The following PACRG variants were observed in gnomAD, a reference collection of about 807,000 sequenced individuals.
PACRG encodes parkin coregulated gene protein.
In PACRG, 29 loss-of-function variants were observed where a neutral mutation model predicts 29.7. The ratio of observed to expected loss-of-function variants is 0.98; its 90% CI spans 0.73 to 1.33. The LOEUF is 1.33. PACRG is among the 40% of genes most tolerant of loss of function. The probability of loss-of-function intolerance (pLI) is 0.00; values close to 1 mark genes in which losing one functional copy is unlikely to be tolerated. For missense variants in PACRG, 279 were observed against 316.2 expected (o/e 0.88, Z 0.89); for synonymous variants, 116 against 118.7 (o/e 0.98, Z 0.15).
At chr6:162,792,723 G>A (rs1785058227) in intron 1 of PACRG, among the ~76,000 whole-genome samples, 1 of 152,168 alleles carries the variant, frequency 6.6e-6, no homozygotes, top group South Asian at 2.1e-4. Context: ...AGCAAGAAGA[G>A]GTGAAAAAGG....
rs115799742 is a variant in PACRG at position 162,935,548 on chromosome 6, G to C, written c.291+121267G>C. On this transcript the variant is annotated intron_variant, in intron 2 of 4. Transcript: ENST00000366888. ...TGTTTCAGTTACAAGATTTTTGTTT[G>C]GTTCTTTTATATGCTATTTCTTTTT... Among the ~76,000 whole-genome samples, 960 of 150,988 alleles carry C rather than the reference G, an allele frequency of 6.4e-3. 8 individuals carry two copies. The highest frequency in any genetic ancestry group is 0.021 in the African/African-American group (853 of 41,152).
At chr6:163,190,788 G>A (rs995610648) in intron 4 of PACRG, 1 of 333,770 alleles carries the variant, frequency 3.0e-6, no homozygotes, top group African/African-American at 2.2e-5. Flanking sequence ...TGTTCTGTGA[G>A]CCCGCTCCAA....
chr6:163,062,010 T>G, intron 2 of PACRG, 140 bp from the exon 3 acceptor site: 1 of 750,532 alleles, frequency 1.3e-6, no homozygotes, highest in Non-Finnish European at 2.2e-6. Context: ...CTTCAGGTCA[T>G]TAGGGGGATG....
chr6:163,089,129 T>A, intron 3 of PACRG, 130 bp from the exon 4 acceptor site: 9 of 843,626 alleles, frequency 1.1e-5, no homozygotes, highest in Non-Finnish European at 1.6e-5. Context: ...GCTATAATAA[T>A]AAAGGCCCAT....
chr6:162,760,577 G>A (rs1008847032), intron 1 of PACRG, among the ~76,000 whole-genome samples: 2 of 152,260 alleles, frequency 1.3e-5, no homozygotes, highest in Admixed American at 1.3e-4. Flanking sequence ...AAGCCGATGG[G>A]GGTGTGTGAT....
intron 4 of PACRG, among the ~76,000 whole-genome samples, chr6:163,163,641 A>G (rs1444105855): frequency 1.3e-5 from 2 of 151,986 alleles, no homozygotes; most frequent in African/African-American, 4.8e-5. Context: ...TATTGTCCAT[A>G]TTTTTGTATC....
rs554257756 is a variant in PACRG, at chr6:163,098,532, G to A, written c.613+9124G>A. 6.0e-4 allele frequency among the ~76,000 whole-genome samples: 91 copies of A among 152,276 alleles called. 1 individual carries two copies. Among genetic ancestry groups the A allele is most frequent in the African/African-American group, 1.7e-3 (71 of 41,560 alleles). On this transcript the variant is annotated intron_variant, in intron 4 of 4. Coordinates refer to ENST00000366888, the MANE Select transcript of PACRG (RefSeq NM_001080379.2). Reference sequence around the variant, plus strand: ...CACCAGGCGGGAGAGCCCAGATGCCGGGTGACAGTTGGGACAACTGGCTTT... The same window carrying A: ...CACCAGGCGGGAGAGCCCAGATGCCAGGTGACAGTTGGGACAACTGGCTTT...
At chr6:162,847,974 T>C (rs1450760015) in intron 2 of PACRG, among the ~76,000 whole-genome samples, 2 of 151,788 alleles carry the variant, frequency 1.3e-5, no homozygotes, top group Admixed American at 6.6e-5. Context: ...GGAAGAGAAA[T>C]TGGAGGGGGC....
At chr6:162,805,752 A>G (rs987177160) in intron 1 of PACRG, among the ~76,000 whole-genome samples, 1 of 152,220 alleles carries the variant, frequency 6.6e-6, no homozygotes, top group African/African-American at 2.4e-5. Context: ...ATTCTGCCTC[A>G]AGAAACTACT....
chr6:163,263,290 G>A (rs1783407236), intron 4 of PACRG, among the ~76,000 whole-genome samples: 2 of 151,688 alleles, frequency 1.3e-5, no homozygotes, highest in South Asian at 4.2e-4. Flanking sequence ...GACTTGAACA[G>A]GCTAACTGAC....
intron 4 of PACRG, among the ~76,000 whole-genome samples, chr6:163,094,661 C>G (rs191527620): frequency 5.2e-4 from 79 of 152,282 alleles, no homozygotes; most frequent in African/African-American, 1.8e-3. Context: ...AATCAGGTGC[C>G]TAATATGTGC....
chr6:162,964,803 C>T (rs1373357644), intron 2 of PACRG, among the ~76,000 whole-genome samples: 1 of 152,130 alleles, frequency 6.6e-6, no homozygotes, highest in Non-Finnish European at 1.5e-5. Context: ...GTCACTGACC[C>T]CCAGGATCAG....
intron 1 of PACRG, among the ~76,000 whole-genome samples, chr6:162,739,442 G>T (rs1034109005): frequency 6.6e-6 from 1 of 152,030 alleles, no homozygotes; most frequent in Non-Finnish European, 1.5e-5. Context: ...TGCAGTTAGC[G>T]ACTTGTCTTT....
At chr6:162,903,304 G>A (rs906453237) in intron 2 of PACRG, among the ~76,000 whole-genome samples, 4 of 152,026 alleles carry the variant, frequency 2.6e-5, no homozygotes, top group African/African-American at 9.7e-5. Flanking sequence ...TTTTTCTCTA[G>A]GGGAAAAATA....
At chr6:163,103,410 C>T (rs777796201) in intron 4 of PACRG, among the ~76,000 whole-genome samples, 31 of 152,120 alleles carry the variant, frequency 2.0e-4, no homozygotes, top group African/African-American at 6.3e-4. Flanking sequence ...CCCCTTCTGC[C>T]GCATCTCATC....
intron 4 of PACRG, among the ~76,000 whole-genome samples, chr6:163,158,781 ACAGGG>A: frequency 6.6e-6 from 1 of 152,218 alleles, no homozygotes; most frequent in Admixed American, 6.5e-5. Flanking sequence ...TGCAGCAGGC[ACAGGG>A]CTTTGGTGCT....
intron 2 of PACRG, among the ~76,000 whole-genome samples, chr6:162,949,895 A>C (rs533866387): frequency 2.7e-4 from 41 of 152,242 alleles, no homozygotes; most frequent in Non-Finnish European, 4.4e-5. Context: ...TGCTGTCTGC[A>C]TGGTTTCTGG....
chr6:163,104,592 T>C (rs1307025791), intron 4 of PACRG, among the ~76,000 whole-genome samples: 1 of 152,168 alleles, frequency 6.6e-6, no homozygotes, highest in Non-Finnish European at 1.5e-5. Context: ...GTGGGTCTCA[T>C]GGGGAAAAAT....
At chr6:162,948,118 G>A (rs980977604) in intron 2 of PACRG, among the ~76,000 whole-genome samples, 13 of 152,026 alleles carry the variant, frequency 8.6e-5, no homozygotes, top group African/African-American at 3.1e-4. Context: ...CCAAGCTGGA[G>A]GCATCACACT....
Sources: gnomAD v4.1 joint callset for allele counts (sites outside exome capture counted in the v4.1 genomes callset) on GRCh38, gnomAD v4.1.1 for gene constraint, MANE v1.5 for transcripts, NCBI Gene and HGNC (gene_info 2026-07-23, HGNC 2026-07-21) for gene names.